The following HR variants were observed in gnomAD, a reference collection of about 807,000 sequenced individuals.
The protein encoded by HR is lysine-specific demethylase hairless.
In HR, 83 loss-of-function variants were observed where a neutral mutation model predicts 128.6. That is an observed-to-expected ratio of 0.65 (90% CI 0.54 to 0.77). HR has a LOEUF of 0.77. HR is among the 30% of genes least tolerant of loss of function. HR has a pLI of 0.00. For synonymous variants in HR, 681 were observed against 658.2 expected, an observed-to-expected ratio of 1.03 and a Z score of -0.53; for missense variants, 1,490 against 1,574.6, an observed-to-expected ratio of 0.95 and a Z score of 0.91.
In HR at chr8:22,119,901, AG is replaced by A. The variant is rs1188429477; in HGVS notation, c.2847-12del. 6.2e-7 allele frequency: 1 copy of A among 1,613,154 alleles called. No homozygotes were observed. The highest frequency in any genetic ancestry group is 1.7e-5 in the Admixed American group (1 of 60,016). ...GCTAGGTTCTCCACCCTGTCAGGGT[AG>A]GGGGTCATGCCCAGCAGGCCCAACC... On this transcript the variant is annotated splice_polypyrimidine_tract_variant and intron_variant, in intron 13 of 18. Transcript: ENST00000381418.
In HR at chr8:22,127,010, G is replaced by A. The variant is rs761198087; in HGVS notation, c.1405+27C>T. The A allele has an allele frequency of 4.4e-6, 7 of 1,603,840 alleles. No individual in the cohort carries two copies. In the South Asian group the frequency reaches 6.7e-5, roughly 15 times the overall value. On this transcript the variant is annotated intron_variant, in intron 3 of 18. Coordinates refer to ENST00000381418, the MANE Select transcript of HR (RefSeq NM_005144.5). ...CCCCGGCTGCCCCCTCCCACGCAGG[G>A]CCTGCAGCCCCTCCTGGCCCCCTTA...
At chr8:22,123,844 G>A (rs1444440140) in intron 5 of HR, 31 bp from the exon 6 acceptor site, 20 of 1,581,070 alleles carry the variant, frequency 1.3e-5, no homozygotes, top group Non-Finnish European at 1.6e-5. Flanking sequence ...AGGGTCAGAG[G>A]GTGAAGGCAA....
intron 1 of HR, among the ~76,000 whole-genome samples, chr8:22,129,554 G>T (rs534642269): frequency 3.9e-5 from 6 of 152,364 alleles, no homozygotes; most frequent in African/African-American, 1.4e-4. Flanking sequence ...GAAGAAAAAG[G>T]CTGGATCCTG....
rs1826933466 is a variant in HR at position 22,127,638 on chromosome 8, C to G, written c.804G>C (p.Leu268=). Residue 268 remains leucine (L), a synonymous_variant, in exon 3 of 19, where the codon CTG becomes CTC. Coordinates refer to ENST00000381418, the MANE Select transcript of HR (RefSeq NM_005144.5). The part of the protein sequence containing the change: ...GRQQNPCPLF[L]GQPDTVPWTS... ...TCCAGGGCACAGTGTCTGGCTGCCC[C>G]AGGAAGAGCGGGCAAGGATTCTGCT... The G allele has an allele frequency of 6.2e-7, 1 of 1,609,820 alleles. No homozygotes were observed. The highest frequency in any genetic ancestry group is 2.2e-5 in the East Asian group (1 of 44,840).
Position 22,128,614 on chromosome 8 carries a change from CA to C in HR, c.556del (p.Trp186GlyfsTer16). 1 of 1,606,750 alleles carries C rather than the reference CA, an allele frequency of 6.2e-7. No homozygotes were observed. Among genetic ancestry groups the C allele is most frequent in the Non-Finnish European group, 8.5e-7 (1 of 1,177,512 alleles). On this transcript the variant is annotated frameshift_variant, in exon 2 of 19. Coordinates refer to ENST00000381418, the MANE Select transcript of HR (RefSeq NM_005144.5). LOFTEE classifies it high-confidence loss of function. Reference sequence around the variant, plus strand: ...TTTGGGCTGGCCCCCGGAGTATACCCAGGGGTGCGGGGTCAGGGGCCAGTCA... The same window carrying C: ...TTTGGGCTGGCCCCCGGAGTATACCCGGGGTGCGGGGTCAGGGGCCAGTCA... ...PCDWPLTPHP[W>X]VYSGGQPKVP...
chr8:22,125,929 G>A (rs1206236600), intron 3 of HR, among the ~76,000 whole-genome samples, 197 bp from the exon 4 acceptor site: 1 of 152,238 alleles, frequency 6.6e-6, no homozygotes, highest in Admixed American at 6.5e-5. Flanking sequence ...CAGGGAGTCT[G>A]AGGATGCCGT....
intron 16 of HR, chr8:22,118,639 G>T: frequency 2.3e-6 from 1 of 439,186 alleles, no homozygotes; most frequent in East Asian, 4.4e-5. Context: ...ATGGGGCGGG[G>T]GGCTGAGACG....
intron 15 of HR, 32 bp from the exon 16 acceptor site, chr8:22,119,097 G>C: frequency 6.2e-7 from 1 of 1,613,646 alleles, no homozygotes; most frequent in Non-Finnish European, 8.5e-7. Flanking sequence ...GGCAGGCCCA[G>C]GGCTGGTGGC....
rs553393185 is a variant in HR at position 22,121,525 on chromosome 8, C to G, written c.2203+88G>C. ...GGTGGGGGGGAGTTGCTAAAGTCCCCGGAGACTTCCGCGACTGTCCCCTCC... is the reference window on the plus strand; with the variant it reads ...GGTGGGGGGGAGTTGCTAAAGTCCCGGGAGACTTCCGCGACTGTCCCCTCC... On this transcript the variant is annotated intron_variant, in intron 9 of 18. Transcript: ENST00000381418. 15 of 1,405,116 alleles carry G rather than the reference C, an allele frequency of 1.1e-5. No individual in the cohort carries two copies. In the African/African-American group the frequency reaches 1.6e-4, roughly 15 times the overall value. 87.0% of individuals were successfully genotyped at this position (1,405,116 alleles called of 1,614,324 possible). A position where few individuals can be genotyped will look rare whatever the true frequency, so the allele number is the denominator to read the frequency against.
chr8:22,115,344 T>G lies in HR; in HGVS notation c.*356A>C, dbSNP rs751048614. 4.8e-6 allele frequency: 2 copies of G among 416,742 alleles called. No individual in the cohort carries two copies. The highest frequency in any genetic ancestry group is 3.6e-5 in the Admixed American group (1 of 27,560). 25.8% of individuals were successfully genotyped at this position (416,742 alleles called of 1,614,324 possible). On this transcript the variant is annotated 3_prime_UTR_variant, in exon 19 of 19. Coordinates refer to ENST00000381418, the MANE Select transcript of HR (RefSeq NM_005144.5). ...CGGGAGTGAGCAGCAGGAGGAGGTG[T>G]TGTTTAAGCCAGAATGATTCCCAAG...
At position 22,116,489 on chromosome 8, in the gene HR, G is replaced by C; in HGVS notation, c.3379-61C>G. 3.2e-6 allele frequency: 5 copies of C among 1,577,704 alleles called. 1 individual carries two copies. The South Asian group carries it at 5.8e-5, about 18-fold the overall frequency. The stretch of plus-strand genomic sequence containing the variant: ...TCACACATCCTCTCCCTGTCCCCCT[G>C]GTCCCTGAGGTTCGCTTCCTCTAAT... On this transcript the variant is annotated intron_variant, in intron 17 of 18. Coordinates refer to ENST00000381418, the MANE Select transcript of HR (RefSeq NM_005144.5). This position sits in a 1 kb window ranked among gnomAD's most constrained non-coding sequence, Gnocchi z 4.2.
Position 22,125,587 on chromosome 8 carries a change from C to T in HR, c.1551G>A (p.Val517=). 1.2e-6 allele frequency: 2 copies of T among 1,612,968 alleles called. No individual in the cohort carries two copies. ...GGGHACHSQQ[V]RRSPLGGELQ... ...GTCCAGGGGCAATGGCTCACCTCCG[C>T]ACTTGCTGAGAGTGGCAGGCGTGCC... The change falls in exon 4 of 19, where the codon GTG becomes GTA. Residue 517 remains valine (V), a synonymous_variant. Coordinates refer to ENST00000381418, the MANE Select transcript of HR (RefSeq NM_005144.5).
chr8:22,117,031 C>A lies in HR; in HGVS notation c.3222G>T (p.Pro1074=), dbSNP rs768781518. The part of the protein sequence containing the change: ...RIRRFLQMVC[P]AGAGALEPGA... ...CAGGCTCCAGGGCGCCTGCCCCGGC[C>A]GGGCACACCTCAAAGAAGAGAAGGG... The change falls in exon 17 of 19, where the codon CCG becomes CCT. Residue 1074 remains proline (P), a synonymous_variant. Coordinates refer to ENST00000381418, the MANE Select transcript of HR (RefSeq NM_005144.5). 5 of 1,503,052 alleles carry A rather than the reference C, an allele frequency of 3.3e-6. No individual in the cohort carries two copies. Among genetic ancestry groups the A allele is most frequent in the East Asian group, 4.8e-5 (2 of 41,674 alleles). The allele number at this position is 1,503,052 out of a possible 1,614,324, so 93.1% of individuals were successfully genotyped here. A position where few individuals can be genotyped will look rare whatever the true frequency, so the allele number is the denominator to read the frequency against.
At position 22,120,880 on chromosome 8, in the gene HR, G is replaced by T. The variant is rs1826731043; in HGVS notation, c.2446C>A (p.Pro816Thr). 6.4e-7 allele frequency: 1 copy of T among 1,553,772 alleles called. No homozygotes were observed. Among genetic ancestry groups the T allele is most frequent in the Non-Finnish European group, 8.7e-7 (1 of 1,148,744 alleles). Reference sequence around the variant, plus strand: ...AGACCCGGGCCAGCTCGAAGCCCCGGCCCCAGGGCTTTCTCCTGGATCTTC... The same window carrying T: ...AGACCCGGGCCAGCTCGAAGCCCCGTCCCCAGGGCTTTCTCCTGGATCTTC... ...ERKIQEKALGPGLRAGPGLRK... is the reference protein window; with the variant it reads ...ERKIQEKALGTGLRAGPGLRK... The change falls in exon 11 of 19, where the codon CCG becomes ACG. Residue 816 changes from proline to threonine, a missense_variant. Around this residue, in one of 3 missense-constraint regions of HR, gnomAD observed 423 missense variants for 495.9 expected, o/e 0.85. Coordinates refer to ENST00000381418, the MANE Select transcript of HR (RefSeq NM_005144.5).
Position 22,127,772 on chromosome 8 carries a change from CA to C in HR, c.669del (p.Ala224ArgfsTer8), listed in dbSNP as rs755971038. Reference sequence around the variant, plus strand: ...TTTAAGCCAAACAACCCAGGTTCCGCAGCTGCCAAGGGCTCCTTTGCCAACC... The same window carrying C: ...TTTAAGCCAAACAACCCAGGTTCCGCGCTGCCAAGGGCTCCTTTGCCAACC... ...IPRLAKEPLA[A>X]AEPGLFGLNS... On this transcript the variant is annotated frameshift_variant, in exon 3 of 19. Transcript: ENST00000381418. LOFTEE classifies it high-confidence loss of function. The C allele has an allele frequency of 1.9e-6, 3 of 1,600,274 alleles. No homozygotes were observed. In the African/African-American group the frequency reaches 4.0e-5, roughly 21 times the overall value.
In HR at chr8:22,130,954, T is replaced by C. The variant is rs1487387777; in HGVS notation, c.-567A>G. 2.6e-5 allele frequency: 4 copies of C among 152,164 alleles called. No individual in the cohort carries two copies. Among genetic ancestry groups the C allele is most frequent in the Admixed American group, 2.6e-4 (4 of 15,280 alleles). The allele number at this position is 152,164 out of a possible 1,614,324, so 9.4% of individuals were successfully genotyped here. ...CACCGCGCAGCGCGGCTAATGGAGGTAGAGCGCGGCGGAGAGCGCAGCAGG... is the reference window on the plus strand; with the variant it reads ...CACCGCGCAGCGCGGCTAATGGAGGCAGAGCGCGGCGGAGAGCGCAGCAGG... On this transcript the variant is annotated 5_prime_UTR_variant, in exon 1 of 19. Transcript: ENST00000381418.
At chr8:22,126,915 G>A (rs1826905088) in intron 3 of HR, 122 bp downstream of exon 3, 1 of 967,690 alleles carries the variant, frequency 1.0e-6, no homozygotes, top group African/African-American at 1.6e-5. Context: ...TCGTGATCCA[G>A]GTGGGAGCCT....
chr8:22,124,497 C>T lies in HR; in HGVS notation c.1751-684G>A, dbSNP rs74484643. 5.1e-3 allele frequency among the ~76,000 whole-genome samples: 770 copies of T among 152,314 alleles called. 4 individuals are homozygous for T. The highest frequency in any genetic ancestry group is 0.018 in the African/African-American group (734 of 41,568). ...TCAACGAACGCCTTGCCTTTGGGTG[C>T]AGGGGCCTCAGAGGTGGTTAGGACT... is the stretch of plus-strand genomic sequence containing the variant. On this transcript the variant is annotated intron_variant, in intron 5 of 18. Coordinates refer to ENST00000381418, the MANE Select transcript of HR (RefSeq NM_005144.5).
At position 22,115,610 on chromosome 8, in the gene HR, TC is replaced by T; in HGVS notation, c.*89del. 8.8e-7 allele frequency: 1 copy of T among 1,131,030 alleles called. No individual in the cohort carries two copies. The highest frequency in any genetic ancestry group is 1.3e-6 in the Non-Finnish European group (1 of 748,224). The allele number at this position is 1,131,030 out of a possible 1,614,324, so 70.1% of individuals were successfully genotyped here. On this transcript the variant is annotated 3_prime_UTR_variant, in exon 19 of 19. Transcript: ENST00000381418. ...GTGGGGTTGACCAGAAATCCCCAAG[TC>T]CCCTAGCGCCATCCCCTGCTGAAGT...
Sources: gnomAD v4.1 joint callset for allele counts (sites outside exome capture counted in the v4.1 genomes callset) on GRCh38, gnomAD v4.1.1 for gene constraint, gnomAD v4.1.1 regional missense constraint, Gnocchi (gnomAD v3.1) non-coding constraint, MANE v1.5 for transcripts, NCBI Gene and HGNC (gene_info 2026-07-23, HGNC 2026-07-21) for gene names.